Variants in PTPRT observed in about 807,000 individuals in gnomAD.
PTPRT encodes receptor-type tyrosine-protein phosphatase T.
A neutral mutation model predicts 176.8 loss-of-function variants in PTPRT; 56 were observed. The observed-to-expected ratio is 0.32, with a 90% confidence interval of 0.26 to 0.40. The LOEUF is 0.40. Ranked by LOEUF, PTPRT falls within the 10% of genes least tolerant of loss-of-function variation. The pLI, the probability that PTPRT is intolerant of heterozygous loss-of-function variation, is 1.00. For synonymous variants in PTPRT, 783 were observed against 739.0 expected (o/e 1.06, Z -0.96); for missense variants, 1,540 against 1,908.2 (o/e 0.81, Z 3.60).
At chr20:42,414,982 G>C (rs751235918) in intron 9 of PTPRT, among the ~76,000 whole-genome samples, 10 of 152,202 alleles carry the variant, frequency 6.6e-5, no homozygotes, top group Non-Finnish European at 1.3e-4. Flanking sequence ...TATTGGAAAA[G>C]TACAGAAGGT....
At chr20:42,894,491 A>G (rs1167296327) in intron 1 of PTPRT, among the ~76,000 whole-genome samples, 2 of 152,136 alleles carry the variant, frequency 1.3e-5, no homozygotes, top group Non-Finnish European at 2.9e-5. Context: ...ATTAACCCCA[A>G]TTTTATAGAC....
At chr20:42,718,085 C>A (rs1021353831) in intron 6 of PTPRT, among the ~76,000 whole-genome samples, 2 of 152,356 alleles carry the variant, frequency 1.3e-5, no homozygotes, top group Non-Finnish European at 2.9e-5. Flanking sequence ...CTCCTAGTTA[C>A]ATATCCAAGA....
rs553049300 is a variant in PTPRT, at chr20:42,551,394, T to A, written c.1154-78832A>T. Among the ~76,000 whole-genome samples the A allele has an allele frequency of 8.5e-5, 13 of 152,248 alleles. No individual in the cohort carries two copies. In the South Asian group the frequency reaches 2.7e-3, roughly 32 times the overall value. On this transcript the variant is annotated intron_variant, in intron 7 of 30. Transcript: ENST00000373187. ...TTTCCTCTTTTCATCCATAGACAAA[T>A]TTCAATAATTATCTTAGTCAACCCA...
intron 6 of PTPRT, among the ~76,000 whole-genome samples, chr20:42,751,836 T>A (rs973284086): frequency 6.6e-6 from 1 of 152,142 alleles, no homozygotes; most frequent in Non-Finnish European, 1.5e-5. Flanking sequence ...GTTTTGGAAC[T>A]CTAACTGAGC....
intron 7 of PTPRT, among the ~76,000 whole-genome samples, chr20:42,535,440 A>G (rs886632425): frequency 1.3e-5 from 2 of 152,208 alleles, no homozygotes; most frequent in Non-Finnish European, 2.9e-5. Context: ...TTACCTATAT[A>G]GCACACCTTC....
chr20:42,624,117 ACT>A (rs2074250729), intron 7 of PTPRT, among the ~76,000 whole-genome samples: 1 of 151,966 alleles, frequency 6.6e-6, no homozygotes, highest in Non-Finnish European at 1.5e-5. Flanking sequence ...TGGGGTGAAC[ACT>A]GTCATATTTA....
chr20:42,559,151 C>A (rs2072909075), intron 7 of PTPRT, among the ~76,000 whole-genome samples: 1 of 152,118 alleles, frequency 6.6e-6, no homozygotes, highest in South Asian at 2.1e-4. Context: ...AGGCTTAAAT[C>A]TATATAAATT....
intron 24 of PTPRT, among the ~76,000 whole-genome samples, chr20:42,104,947 T>G (rs1986291606): frequency 6.6e-6 from 1 of 152,172 alleles, no homozygotes. Flanking sequence ...AGCATAGTCA[T>G]GATAAAATGA....
intron 11 of PTPRT, among the ~76,000 whole-genome samples, chr20:42,336,288 T>C (rs933555926): frequency 6.6e-6 from 1 of 152,206 alleles, no homozygotes; most frequent in Admixed American, 6.5e-5. Context: ...ACAGACAAGT[T>C]ACCATCTATC....
chr20:43,066,088 G>A (rs551707924), intron 1 of PTPRT, among the ~76,000 whole-genome samples: 53 of 152,128 alleles, frequency 3.5e-4, no homozygotes, highest in Admixed American at 1.6e-3. Flanking sequence ...CAGAAACCAT[G>A]TCTTCCACCC....
At chr20:42,515,234 C>T (rs1458650472) in intron 7 of PTPRT, among the ~76,000 whole-genome samples, 4 of 152,314 alleles carry the variant, frequency 2.6e-5, no homozygotes, top group African/African-American at 9.6e-5. Flanking sequence ...CCTGTAATCC[C>T]AGCACTCTGG....
chr20:42,082,562 C>T (rs1337984408), intron 29 of PTPRT, among the ~76,000 whole-genome samples: 2 of 152,200 alleles, frequency 1.3e-5, no homozygotes. Flanking sequence ...CCAGCCCAAG[C>T]TTGGAGGTAG....
intron 7 of PTPRT, among the ~76,000 whole-genome samples, chr20:42,586,920 C>A (rs918476712): frequency 4.6e-5 from 7 of 152,126 alleles, no homozygotes; most frequent in Non-Finnish European, 7.4e-5. Flanking sequence ...ACCAAGTCAG[C>A]GCAGTCATTG....
At chr20:42,684,740 A>G (rs1254954704) in intron 6 of PTPRT, among the ~76,000 whole-genome samples, 2 of 152,220 alleles carry the variant, frequency 1.3e-5, no homozygotes, top group South Asian at 2.1e-4. Context: ...ATATAAAACT[A>G]AAGAAAAATT....
chr20:42,634,704 G>A (rs748049658), intron 7 of PTPRT, among the ~76,000 whole-genome samples: 9 of 152,050 alleles, frequency 5.9e-5, no homozygotes, highest in Admixed American at 1.3e-4. Flanking sequence ...CTTATGTGAA[G>A]CATTATAGTC....
chr20:42,665,472 G>A (rs2075298596), intron 7 of PTPRT, among the ~76,000 whole-genome samples: 1 of 151,512 alleles, frequency 6.6e-6, no homozygotes, highest in African/African-American at 2.4e-5. Context: ...TGGAGAAATA[G>A]GAACACTTTT....
rs146751607 is a variant in PTPRT at position 42,101,682 on chromosome 20, G to A, written c.3714+442C>T. Among the ~76,000 whole-genome samples, 791 of 152,296 alleles carry A rather than the reference G, an allele frequency of 5.2e-3. 28 individuals carry two copies. Among genetic ancestry groups the A allele is most frequent in the Admixed American group, 0.046 (707 of 15,302 alleles). On this transcript the variant is annotated intron_variant, in intron 26 of 30. Transcript: ENST00000373187. ...GTGCGCCATCCTCATTTTTGTCTCT[G>A]CTCAGGAGTTATCTGGAACCTTCAT...
At chr20:42,649,590 C>T (rs2425500) in intron 7 of PTPRT, among the ~76,000 whole-genome samples, 53,744 of 152,046 alleles carry the variant, frequency 0.35, 10,122 homozygotes, top group Middle Eastern at 0.46. Flanking sequence ...TCTCTATAAA[C>T]GTATCCATAG....
chr20:42,677,111 G>A (rs1207352081), intron 7 of PTPRT, among the ~76,000 whole-genome samples: 5 of 152,172 alleles, frequency 3.3e-5, no homozygotes, highest in African/African-American at 1.2e-4. Context: ...ACAGAGGCAG[G>A]AAGCTCTTAG....
Sources: allele counts gnomAD v4.1 joint callset (sites outside exome capture counted in the v4.1 genomes callset), GRCh38; gene constraint gnomAD v4.1.1; transcripts MANE v1.5; gene names NCBI Gene and HGNC (gene_info 2026-07-23, HGNC 2026-07-21).